The following AGBL4 variants were observed in gnomAD, a reference collection of about 807,000 sequenced individuals.
AGBL4 encodes the protein cytosolic carboxypeptidase 6.
AGBL4 carries 58 observed loss-of-function variants against 66.4 expected under a neutral mutation model. That is an observed-to-expected ratio of 0.87 (90% CI 0.71 to 1.09). The LOEUF (loss-of-function observed/expected upper bound fraction) is 1.09, where lower values mean the gene tolerates loss of function less well. AGBL4 is among the 50% of genes least tolerant of loss of function. The probability of loss-of-function intolerance (pLI) is 0.00; values close to 1 mark genes in which losing one functional copy is unlikely to be tolerated. For synonymous variants in AGBL4, 234 were observed against 222.9 expected, an observed-to-expected ratio of 1.05 and a Z score of -0.44; for missense variants, 579 against 631.0, an observed-to-expected ratio of 0.92 and a Z score of 0.88.
chr1:49,481,144 T>C (rs1400618560), intron 3 of AGBL4, among the ~76,000 whole-genome samples: 1 of 152,098 alleles, frequency 6.6e-6, no homozygotes, highest in African/African-American at 2.4e-5. Flanking sequence ...AATTTTAAAA[T>C]AGTGTTTTCT....
intron 11 of AGBL4, among the ~76,000 whole-genome samples, chr1:48,555,842 T>C (rs894527927): frequency 2.0e-5 from 3 of 152,038 alleles, no homozygotes; most frequent in African/African-American, 7.3e-5. Flanking sequence ...GTAAGAAAGA[T>C]GATACTTGGG....
chr1:48,707,822 C>T (rs1268543916), intron 6 of AGBL4, among the ~76,000 whole-genome samples: 2 of 152,184 alleles, frequency 1.3e-5, no homozygotes, highest in African/African-American at 2.4e-5. Flanking sequence ...ATCAGGTTCT[C>T]ACATGCCTGA....
intron 5 of AGBL4, among the ~76,000 whole-genome samples, chr1:49,026,808 A>T (rs893311365): frequency 6.6e-6 from 1 of 152,198 alleles, no homozygotes; most frequent in African/African-American, 2.4e-5. Flanking sequence ...CTTCTGAAGC[A>T]CATCTATGTC....
intron 3 of AGBL4, among the ~76,000 whole-genome samples, chr1:49,288,627 G>C (rs1644473276): frequency 2.6e-5 from 4 of 152,164 alleles, no homozygotes; most frequent in Admixed American, 1.3e-4. Context: ...TGGTACCTAT[G>C]AGGTTAAAAT....
chr1:49,529,370 G>A (rs1650916943), intron 3 of AGBL4, among the ~76,000 whole-genome samples: 1 of 152,116 alleles, frequency 6.6e-6, no homozygotes, highest in Admixed American at 6.6e-5. Context: ...GAACAAAGGA[G>A]AAAGAGCAAA....
At chr1:48,827,007 T>A (rs919748907) in intron 6 of AGBL4, among the ~76,000 whole-genome samples, 3 of 152,168 alleles carry the variant, frequency 2.0e-5, no homozygotes. Flanking sequence ...TCTATCAAGA[T>A]CAAGATAAGT....
chr1:49,000,503 C>T (rs1571198759), intron 5 of AGBL4, among the ~76,000 whole-genome samples: 2 of 152,150 alleles, frequency 1.3e-5, no homozygotes, highest in Admixed American at 6.5e-5. Flanking sequence ...TTGATTAATA[C>T]ATATACAAAT....
At chr1:49,661,231 C>T (rs1646263167) in intron 3 of AGBL4, among the ~76,000 whole-genome samples, 2 of 152,004 alleles carry the variant, frequency 1.3e-5, no homozygotes, top group African/African-American at 4.8e-5. Flanking sequence ...ATTAAAACCC[C>T]AGAGAGATAC....
chr1:48,872,440 G>A (rs1177001459), intron 5 of AGBL4, among the ~76,000 whole-genome samples: 1 of 151,940 alleles, frequency 6.6e-6, no homozygotes, highest in Non-Finnish European at 1.5e-5. Context: ...TTCTTTTCAG[G>A]GAAGGTAGCA....
At chr1:48,552,130 C>T (rs1644257663) in intron 11 of AGBL4, among the ~76,000 whole-genome samples, 1 of 152,146 alleles carries the variant, frequency 6.6e-6, no homozygotes, top group South Asian at 2.1e-4. Flanking sequence ...GTGGTGCGAT[C>T]TCAGCTCACT....
chr1:49,113,535 G>A (rs1645456301), intron 4 of AGBL4, among the ~76,000 whole-genome samples: 1 of 152,134 alleles, frequency 6.6e-6, no homozygotes, highest in Non-Finnish European at 1.5e-5. Flanking sequence ...TTACAGCCAT[G>A]AGCCACTGCG....
At chr1:49,280,702 T>C (rs943613980) in intron 3 of AGBL4, among the ~76,000 whole-genome samples, 4 of 152,244 alleles carry the variant, frequency 2.6e-5, no homozygotes, top group African/African-American at 9.6e-5. Flanking sequence ...CAGCTCTAGA[T>C]TCTACAGATA....
intron 1 of AGBL4, among the ~76,000 whole-genome samples, chr1:50,002,045 C>T (rs1660794176): frequency 6.6e-6 from 1 of 152,058 alleles, no homozygotes; most frequent in Admixed American, 6.6e-5. Flanking sequence ...AGGACTTCAC[C>T]AGATTCACTG....
At chr1:49,623,816 G>A (rs1222491167) in intron 3 of AGBL4, among the ~76,000 whole-genome samples, 2 of 152,112 alleles carry the variant, frequency 1.3e-5, no homozygotes, top group Non-Finnish European at 2.9e-5. Flanking sequence ...CCTTGTGCAG[G>A]GCCTAAAGTA....
intron 3 of AGBL4, among the ~76,000 whole-genome samples, chr1:49,283,590 A>G (rs1644332377): frequency 6.6e-6 from 1 of 152,222 alleles, no homozygotes; most frequent in South Asian, 2.1e-4. Flanking sequence ...AAGGAAATTC[A>G]AACCAAAGGC....
chr1:49,722,460 T>A (rs1648681641), intron 2 of AGBL4, among the ~76,000 whole-genome samples: 1 of 152,104 alleles, frequency 6.6e-6, no homozygotes, highest in South Asian at 2.1e-4. Flanking sequence ...AGTAAACAAA[T>A]AAGGTGATTT....
intron 3 of AGBL4, among the ~76,000 whole-genome samples, chr1:49,554,692 G>T (rs1653262891): frequency 6.6e-6 from 1 of 152,216 alleles, no homozygotes; most frequent in Admixed American, 6.5e-5. Flanking sequence ...CTTCAAGAAT[G>T]AAGACGCGGA....
At chr1:48,655,897 C>A (rs146959777) in intron 7 of AGBL4, among the ~76,000 whole-genome samples, 4 of 152,336 alleles carry the variant, frequency 2.6e-5, no homozygotes, top group Admixed American at 6.5e-5. Context: ...TTAAATAATT[C>A]TCAAGGATAC....
In AGBL4 at chr1:49,382,013, T is replaced by TA. The variant is rs200781237; in HGVS notation, c.283-136150dup. ...AAGTATAATAATAATAAAATAAAAA[T>TA]AAAAAAAAATACAGTTCCTGTAGCC... is the stretch of plus-strand genomic sequence containing the variant. On this transcript the variant is annotated intron_variant, in intron 3 of 13. Transcript: ENST00000371839. 3.9e-3 allele frequency among the ~76,000 whole-genome samples: 585 copies of TA among 150,158 alleles called. 3 individuals are homozygous for TA. Among genetic ancestry groups the TA allele is most frequent in the African/African-American group, 0.012 (509 of 40,902 alleles).
Sources: gnomAD v4.1 joint callset for allele counts (sites outside exome capture counted in the v4.1 genomes callset) on GRCh38, gnomAD v4.1.1 for gene constraint, MANE v1.5 for transcripts, NCBI Gene and HGNC (gene_info 2026-07-23, HGNC 2026-07-21) for gene names.